Variants in SPIDR observed in about 807,000 individuals in gnomAD.
The protein encoded by SPIDR is DNA repair-scaffolding protein.
In SPIDR, 93 loss-of-function variants were observed where a neutral mutation model predicts 104.6. The ratio of observed to expected loss-of-function variants is 0.89; its 90% CI spans 0.75 to 1.06. The LOEUF (loss-of-function observed/expected upper bound fraction) is 1.06, where lower values mean the gene tolerates loss of function less well. Ranked by LOEUF, SPIDR falls within the 50% of genes least tolerant of loss-of-function variation. The pLI is 0.00. For synonymous variants in SPIDR, 431 were observed against 416.9 expected (o/e 1.03, Z -0.41); for missense variants, 1,154 against 1,111.2 (o/e 1.04, Z -0.55).
chr8:47,298,626 T>G (rs1475394769), intron 5 of SPIDR, among the ~76,000 whole-genome samples: 367 of 152,308 alleles, frequency 2.4e-3, no homozygotes, highest in African/African-American at 4.2e-3. Flanking sequence ...GAATTAATTT[T>G]TGTATAAGGT....
intron 8 of SPIDR, among the ~76,000 whole-genome samples, chr8:47,446,744 G>A (rs1274737335): frequency 6.6e-6 from 1 of 151,692 alleles, no homozygotes. Context: ...GCGCCACCAC[G>A]CCTGGCTAAT....
At chr8:47,412,469 G>A (rs574988804) in intron 7 of SPIDR, among the ~76,000 whole-genome samples, 19 of 152,216 alleles carry the variant, frequency 1.2e-4, no homozygotes, top group African/African-American at 4.3e-4. Flanking sequence ...CTTCAAGTCC[G>A]ATAAAAAGAA....
At chr8:47,293,231 A>T (rs1373056444) in intron 4 of SPIDR, among the ~76,000 whole-genome samples, 1 of 152,100 alleles carries the variant, frequency 6.6e-6, no homozygotes, top group East Asian at 1.9e-4. Flanking sequence ...GGCTCGAGCG[A>T]TCCTACTACA....
At position 47,396,474 on chromosome 8, in the gene SPIDR, C is replaced by T. The variant is rs2061261606; in HGVS notation, c.624C>T (p.Tyr208=). The change falls in exon 6 of 20, where the codon TAC becomes TAT. Residue 208 remains tyrosine, a synonymous_variant. Coordinates refer to ENST00000297423, the MANE Select transcript of SPIDR (RefSeq NM_001080394.4). ...LLIDSESPHK[Y]HVQFASDARQ... Reference sequence around the variant, plus strand: ...TTGATTCAGAATCCCCTCACAAATACCACGTGCAGTTTGCATCGGATGCAA... The same window carrying T: ...TTGATTCAGAATCCCCTCACAAATATCACGTGCAGTTTGCATCGGATGCAA... The T allele has an allele frequency of 1.2e-6, 2 of 1,613,874 alleles. No homozygotes were observed. The highest frequency in any genetic ancestry group is 1.7e-6 in the Non-Finnish European group (2 of 1,179,966).
At chr8:47,409,806 A>T (rs1554669945) in intron 7 of SPIDR, among the ~76,000 whole-genome samples, 1 of 152,210 alleles carries the variant, frequency 6.6e-6, no homozygotes, top group East Asian at 1.9e-4. Context: ...AGACGGGAGG[A>T]TCACTTGAGG....
chr8:47,284,015 A>T lies in SPIDR; in HGVS notation c.190-13A>T. The T allele has an allele frequency of 3.8e-6, 6 of 1,592,320 alleles. No individual in the cohort carries two copies. The South Asian group carries it at 5.7e-5, about 15-fold the overall frequency. ...TTGTCACATAAATTCCATGATTATT[A>T]TTTTGCCTACAGTCATTAACAGCTG... On this transcript the variant is annotated splice_polypyrimidine_tract_variant and intron_variant, in intron 2 of 19. Coordinates refer to ENST00000297423, the MANE Select transcript of SPIDR (RefSeq NM_001080394.4).
chr8:47,358,828 C>T (rs1212297282), intron 5 of SPIDR, among the ~76,000 whole-genome samples: 4 of 152,082 alleles, frequency 2.6e-5, no homozygotes, highest in Non-Finnish European at 4.4e-5. Context: ...GAAGTTAGGA[C>T]GTAGGATACA....
At chr8:47,462,814 C>T (rs1339429506) in intron 8 of SPIDR, among the ~76,000 whole-genome samples, 2 of 152,004 alleles carry the variant, frequency 1.3e-5, no homozygotes, top group Non-Finnish European at 2.9e-5. Flanking sequence ...GCAAAATAGA[C>T]CAAACTTTAG....
chr8:47,508,739 T>C (rs1444560418), intron 8 of SPIDR, among the ~76,000 whole-genome samples: 1 of 151,916 alleles, frequency 6.6e-6, no homozygotes, highest in Non-Finnish European at 1.5e-5. Context: ...AATACCACAG[T>C]CTCCATTTGT....
At chr8:47,624,564 G>A (rs997270950) in intron 10 of SPIDR, among the ~76,000 whole-genome samples, 3 of 151,926 alleles carry the variant, frequency 2.0e-5, no homozygotes, top group Non-Finnish European at 4.4e-5. Flanking sequence ...TATCACCACC[G>A]ATCCCACAGA....
chr8:47,522,096 A>G (rs1439193741), intron 8 of SPIDR, among the ~76,000 whole-genome samples: 1 of 151,496 alleles, frequency 6.6e-6, no homozygotes, highest in Non-Finnish European at 1.5e-5. Context: ...CCTGAGAGAC[A>G]GAGATTGCAG....
intron 10 of SPIDR, among the ~76,000 whole-genome samples, chr8:47,615,472 CTTTTTT>C (rs11345219): frequency 9.1e-6 from 1 of 110,058 alleles, no homozygotes; most frequent in Non-Finnish European, 1.8e-5. Flanking sequence ...CGAAAATAGC[CTTTTTT>C]TTTTTTTTTT....
At chr8:47,287,228 C>T (rs1039840819) in intron 3 of SPIDR, among the ~76,000 whole-genome samples, 1 of 149,192 alleles carries the variant, frequency 6.7e-6, no homozygotes, top group Non-Finnish European at 1.5e-5. Flanking sequence ...GCTTCTGAGG[C>T]CAATAAAGAT....
chr8:47,512,557 A>G (rs538757673), intron 8 of SPIDR, among the ~76,000 whole-genome samples: 1 of 152,284 alleles, frequency 6.6e-6, no homozygotes, highest in South Asian at 2.1e-4. Flanking sequence ...CTCAGCTGCT[A>G]TCTCTCCCAG....
intron 7 of SPIDR, among the ~76,000 whole-genome samples, chr8:47,434,015 C>T (rs781949927): frequency 6.6e-6 from 1 of 152,174 alleles, no homozygotes; most frequent in African/African-American, 2.4e-5. Flanking sequence ...AAGTAACTAA[C>T]AGAAACACCC....
intron 10 of SPIDR, among the ~76,000 whole-genome samples, chr8:47,647,087 A>G (rs2070516657): frequency 6.6e-6 from 1 of 152,222 alleles, no homozygotes; most frequent in Admixed American, 6.5e-5. Flanking sequence ...TAGTTGAATA[A>G]TATGACATAC....
chr8:47,333,852 G>A (rs367800324), intron 5 of SPIDR, among the ~76,000 whole-genome samples: 45 of 152,282 alleles, frequency 3.0e-4, no homozygotes, highest in African/African-American at 9.4e-4. Context: ...CAAGACCAGC[G>A]TTGTATATGA....
intron 10 of SPIDR, among the ~76,000 whole-genome samples, chr8:47,624,283 A>G (rs1169234631): frequency 6.6e-6 from 1 of 152,260 alleles, no homozygotes; most frequent in Non-Finnish European, 1.5e-5. Context: ...AACACAAAGC[A>G]GGAAAGATCT....
At chr8:47,362,360 A>G (rs2056187341) in intron 5 of SPIDR, among the ~76,000 whole-genome samples, 1 of 151,992 alleles carries the variant, frequency 6.6e-6, no homozygotes, top group Non-Finnish European at 1.5e-5. Flanking sequence ...GTCAGGACTA[A>G]TGAGTCCTCC....
Sources: gnomAD v4.1 joint callset for allele counts (sites outside exome capture counted in the v4.1 genomes callset) on GRCh38, gnomAD v4.1.1 for gene constraint, MANE v1.5 for transcripts, NCBI Gene and HGNC (gene_info 2026-07-23, HGNC 2026-07-21) for gene names.